The following UBE2N variants were observed in gnomAD, a reference collection of about 807,000 sequenced individuals.
UBE2N encodes ubiquitin conjugating enzyme E2 N.
For missense variants in UBE2N, 60 were observed against 192.1 expected (o/e 0.31, Z 4.07); for synonymous variants, 70 against 69.2 (o/e 1.01, Z -0.06).
Position 93,409,799 on chromosome 12 carries a change from A to G in UBE2N, c.*240T>C, listed in dbSNP as rs552851496. The G allele has an allele frequency of 5.5e-5, 27 of 489,656 alleles. No homozygotes were observed. The highest frequency in any genetic ancestry group is 4.3e-4 in the Admixed American group (10 of 23,066). 30.3% of individuals were successfully genotyped at this position (489,656 alleles called of 1,614,324 possible). A position where few individuals can be genotyped will look rare whatever the true frequency, so the allele number is the denominator to read the frequency against. On this transcript the variant is annotated 3_prime_UTR_variant, in exon 4 of 4. Coordinates refer to ENST00000318066, the MANE Select transcript of UBE2N (RefSeq NM_003348.4). Reference sequence around the variant, plus strand: ...AAATGAATAAAAGCAGGGAGGGGCCACTGCTTTTAAACGTTTCACAACAAT... The same window carrying G: ...AAATGAATAAAAGCAGGGAGGGGCCGCTGCTTTTAAACGTTTCACAACAAT...
At chr12:93,430,804 A>T (rs1263917073) in intron 1 of UBE2N, among the ~76,000 whole-genome samples, 1 of 147,814 alleles carries the variant, frequency 6.8e-6, no homozygotes, top group African/African-American at 2.5e-5. Context: ...TATATATTTT[A>T]TATATATATA....
At position 93,408,341 on chromosome 12, in the gene UBE2N, T is replaced by C. The variant is rs1278888657; in HGVS notation, c.*1698A>G. ...CAAGCAATGCATTTATTTGGAAGGA[T>C]ACCAGTTACCAGTCATCAAAAGCTT... is the stretch of plus-strand genomic sequence containing the variant. On this transcript the variant is annotated 3_prime_UTR_variant, in exon 4 of 4. Coordinates refer to ENST00000318066, the MANE Select transcript of UBE2N (RefSeq NM_003348.4). 1 of 152,260 alleles carries C rather than the reference T, an allele frequency of 6.6e-6. No homozygotes were observed. The highest frequency in any genetic ancestry group is 2.4e-5 in the African/African-American group (1 of 41,468). The allele number at this position is 152,260 out of a possible 1,614,324, so 9.4% of individuals were successfully genotyped here.
intron 1 of UBE2N, among the ~76,000 whole-genome samples, chr12:93,415,336 T>C (rs559291701): frequency 6.6e-6 from 1 of 152,334 alleles, no homozygotes; most frequent in South Asian, 2.1e-4. Context: ...AAGATGTAAA[T>C]ACAAATCAAA....
chr12:93,425,220 A>T (rs1878543517), intron 1 of UBE2N, among the ~76,000 whole-genome samples: 1 of 152,186 alleles, frequency 6.6e-6, no homozygotes, highest in Non-Finnish European at 1.5e-5. Flanking sequence ...TAGAAATCAA[A>T]CTCAAGAGTC....
chr12:93,411,927 A>G (rs1356635495), intron 1 of UBE2N, among the ~76,000 whole-genome samples: 1 of 152,072 alleles, frequency 6.6e-6, no homozygotes, highest in Non-Finnish European at 1.5e-5. Context: ...CCTGGCCTCA[A>G]GTGATTTGCT....
At chr12:93,422,101 T>C (rs958786775) in intron 1 of UBE2N, among the ~76,000 whole-genome samples, 1 of 152,184 alleles carries the variant, frequency 6.6e-6, no homozygotes, top group Non-Finnish European at 1.5e-5. Context: ...TTTCCCTCTT[T>C]GTTTTTTCAA....
intron 1 of UBE2N, among the ~76,000 whole-genome samples, chr12:93,419,686 A>C (rs1052803492): frequency 1.3e-5 from 2 of 152,218 alleles, no homozygotes; most frequent in Admixed American, 1.3e-4. Context: ...GATGCTCTTA[A>C]AAGTTACTGT....
intron 1 of UBE2N, among the ~76,000 whole-genome samples, chr12:93,412,854 G>T (rs1312041740): frequency 1.3e-5 from 2 of 152,196 alleles, no homozygotes; most frequent in Non-Finnish European, 2.9e-5. Context: ...GCATGCCAGG[G>T]CAAATATTTA....
At chr12:93,431,709 CTTTG>C (rs1565797637) in intron 1 of UBE2N, among the ~76,000 whole-genome samples, 1 of 152,184 alleles carries the variant, frequency 6.6e-6, no homozygotes, top group African/African-American at 2.4e-5. Flanking sequence ...ATTAGAAACA[CTTTG>C]TTTGCCTAAC....
chr12:93,417,998 T>C lies in UBE2N; in HGVS notation c.31-6699A>G, dbSNP rs370021251. On this transcript the variant is annotated intron_variant, in intron 1 of 3. Transcript: ENST00000318066. ...ACCCTCTATATATATAAGTGGGCAT[T>C]TTTATTTATCACTTTTTTTGTAGAG... 3.7e-4 allele frequency among the ~76,000 whole-genome samples: 56 copies of C among 152,278 alleles called. No individual in the cohort carries two copies. The South Asian group carries it at 0.012, about 32-fold the overall frequency.
At chr12:93,441,699 A>G (rs1284952708) in intron 1 of UBE2N, among the ~76,000 whole-genome samples, 156 bp downstream of exon 1, 2 of 150,636 alleles carry the variant, frequency 1.3e-5, no homozygotes, top group African/African-American at 2.5e-5. Flanking sequence ...CCTCCTCAGC[A>G]CCCGACTTCC....
chr12:93,411,463 A>G (rs915240687), intron 1 of UBE2N, among the ~76,000 whole-genome samples, 164 bp from the exon 2 acceptor site: 1 of 152,250 alleles, frequency 6.6e-6, no homozygotes, highest in African/African-American at 2.4e-5. Context: ...TACCATTTAA[A>G]TAATTACAAC....
At chr12:93,432,177 A>G (rs184640912) in intron 1 of UBE2N, among the ~76,000 whole-genome samples, 2 of 152,182 alleles carry the variant, frequency 1.3e-5, no homozygotes, top group Non-Finnish European at 2.9e-5. Flanking sequence ...GGTTGCAGTG[A>G]GCCAAGTCAC....
intron 1 of UBE2N, among the ~76,000 whole-genome samples, chr12:93,412,621 G>A (rs374439237): frequency 2.6e-5 from 4 of 152,164 alleles, no homozygotes; most frequent in Admixed American, 6.5e-5. Context: ...ATAACCTGAC[G>A]CGTCCACCCT....
chr12:93,428,168 C>T (rs1446321389), intron 1 of UBE2N, among the ~76,000 whole-genome samples: 3 of 152,152 alleles, frequency 2.0e-5, no homozygotes, highest in Non-Finnish European at 4.4e-5. Flanking sequence ...AATCTACTTG[C>T]TTCAGCCTCC....
chr12:93,421,378 A>AT (rs756905353), intron 1 of UBE2N, among the ~76,000 whole-genome samples: 2 of 152,082 alleles, frequency 1.3e-5, no homozygotes, highest in South Asian at 4.2e-4. Flanking sequence ...AATTTTTTGT[A>AT]TTTTTAGTAG....
intron 1 of UBE2N, among the ~76,000 whole-genome samples, chr12:93,416,905 C>T (rs938062058): frequency 2.7e-5 from 4 of 149,642 alleles, no homozygotes; most frequent in African/African-American, 9.8e-5. Context: ...CATAGGAAGG[C>T]CATAGTTGTT....
At position 93,411,022 on chromosome 12, in the gene UBE2N, A is replaced by G. The variant is rs542560579; in HGVS notation, c.277+31T>C. 9 of 1,614,000 alleles carry G rather than the reference A, an allele frequency of 5.6e-6. No homozygotes were observed. In the South Asian group the frequency reaches 9.9e-5, roughly 18 times the overall value. On this transcript the variant is annotated intron_variant, in intron 2 of 3. Coordinates refer to ENST00000318066, the MANE Select transcript of UBE2N (RefSeq NM_003348.4). ...TAAGAGAAAAAGGAGAAAGCTTAAT[A>G]ATAGCATATGCTGATAAAGATAACA...
intron 1 of UBE2N, among the ~76,000 whole-genome samples, chr12:93,435,421 C>A (rs376211741): frequency 2.6e-5 from 4 of 151,864 alleles, no homozygotes; most frequent in Non-Finnish European, 5.9e-5. Flanking sequence ...TGCAGTTAGC[C>A]GAGATCACGC....
Sources: gnomAD v4.1 joint callset for allele counts (sites outside exome capture counted in the v4.1 genomes callset) on GRCh38, gnomAD v4.1.1 for gene constraint, MANE v1.5 for transcripts, NCBI Gene and HGNC (gene_info 2026-07-23, HGNC 2026-07-21) for gene names.